KIFC3: variants seen among roughly 807,000 people sequenced by gnomAD.
KIFC3 encodes the protein kinesin-like protein KIFC3.
In KIFC3, 60 loss-of-function variants were observed where a neutral mutation model predicts 101.8. That is an observed-to-expected ratio of 0.59 (90% CI 0.48 to 0.73). The LOEUF is 0.73. KIFC3 is among the 30% of genes least tolerant of loss of function. The pLI is 0.00. For missense variants in KIFC3, 966 were observed against 1,137.1 expected (o/e 0.85, Z 2.16); for synonymous variants, 476 against 482.7 (o/e 0.99, Z 0.18).
chr16:57,854,444 A>G (rs1226262478), intron 1 of KIFC3, among the ~76,000 whole-genome samples: 3 of 152,224 alleles, frequency 2.0e-5, no homozygotes, highest in Admixed American at 6.5e-5. Flanking sequence ...CCTGCCCAAC[A>G]TGGCAAAACC....
At chr16:57,777,073 G>C (rs1555612173) in intron 3 of KIFC3, 1 of 151,898 alleles carries the variant, frequency 6.6e-6, no homozygotes, top group Non-Finnish European at 1.5e-5. Context: ...AATCCAAAAA[G>C]GAAATTAAGA....
intron 12 of KIFC3, among the ~76,000 whole-genome samples, chr16:57,763,886 C>T (rs1399120720): frequency 6.6e-6 from 1 of 152,200 alleles, no homozygotes; most frequent in African/African-American, 2.4e-5. Flanking sequence ...GTCCCCAAGC[C>T]GAGATCCCTG....
At position 57,769,589 on chromosome 16, in the gene KIFC3, G is replaced by A. The variant is rs200243180; in HGVS notation, c.1218+6C>T. ...CTGGACCCTCCCACCCACTGCCCTC[G>A]CTCACCTCGGCCTTGACACTCCTGA... On this transcript the variant is annotated splice_donor_region_variant and intron_variant, in intron 9 of 19. Transcript: ENST00000445690. This position sits in a 1 kb window ranked among gnomAD's most constrained non-coding sequence, Gnocchi z 4.3. The A allele has an allele frequency of 1.7e-4, 277 of 1,607,252 alleles. No individual in the cohort carries two copies. The highest frequency in any genetic ancestry group is 2.2e-4 in the Non-Finnish European group (255 of 1,178,354).
In KIFC3 at chr16:57,761,641, T is replaced by C. The variant is rs1555597868; in HGVS notation, c.1749-105A>G. ...AATGTTCCCCCAACCCAGGAAGCCTTCTCCAGCCATCAGCTGAGTGCATCT... is the reference window on the plus strand; with the variant it reads ...AATGTTCCCCCAACCCAGGAAGCCTCCTCCAGCCATCAGCTGAGTGCATCT... On this transcript the variant is annotated intron_variant, in intron 13 of 19. Transcript: ENST00000445690. 4.5e-6 allele frequency: 6 copies of C among 1,324,752 alleles called. No homozygotes were observed. The Admixed American group carries it at 5.6e-5, about 12-fold the overall frequency. 82.1% of individuals were successfully genotyped at this position (1,324,752 alleles called of 1,614,324 possible). A position where few individuals can be genotyped will look rare whatever the true frequency, so the allele number is the denominator to read the frequency against.
chr16:57,801,538 A>G (rs2054721105), intron 1 of KIFC3, among the ~76,000 whole-genome samples: 1 of 152,174 alleles, frequency 6.6e-6, no homozygotes, highest in South Asian at 2.1e-4. Context: ...TACTCTAACA[A>G]GGGCATGGGG....
chr16:57,841,352 T>C (rs981714194), intron 1 of KIFC3, among the ~76,000 whole-genome samples: 7 of 152,120 alleles, frequency 4.6e-5, no homozygotes, highest in African/African-American at 1.7e-4. Flanking sequence ...GCCACCCTCC[T>C]AAAGTTCCCT....
At chr16:57,764,276 G>T (rs782460575) in intron 11 of KIFC3, 29 bp from the exon 12 acceptor site, 21 of 1,286,370 alleles carry the variant, frequency 1.6e-5, no homozygotes, top group Non-Finnish European at 2.1e-5. Context: ...GGAGGCTGGT[G>T]GGGGGGCTTC....
intron 1 of KIFC3, among the ~76,000 whole-genome samples, chr16:57,854,096 C>G (rs1444101221): frequency 1.3e-5 from 2 of 151,990 alleles, no homozygotes; most frequent in Non-Finnish European, 2.9e-5. Context: ...TGCACACCAT[C>G]ACACCCAGCT....
chr16:57,827,897 C>G (rs2055492757), intron 1 of KIFC3, among the ~76,000 whole-genome samples: 1 of 152,220 alleles, frequency 6.6e-6, no homozygotes, highest in Non-Finnish European at 1.5e-5. Context: ...AACTACACAC[C>G]AGGTGCCTAT....
chr16:57,775,261 G>A (rs868915624), intron 3 of KIFC3: 2 of 1,299,858 alleles, frequency 1.5e-6, no homozygotes, highest in East Asian at 3.1e-5. Flanking sequence ...GGCTCTAAAG[G>A]CCCCTTTGTT....
rs1437330250 is a variant in KIFC3 at position 57,802,441 on chromosome 16, G to C, written c.-111C>G. On this transcript the variant is annotated 5_prime_UTR_variant, in exon 1 of 20. Coordinates refer to ENST00000445690, the MANE Select transcript of KIFC3 (RefSeq NM_001130100.2). This position sits in a 1 kb window ranked among gnomAD's most constrained non-coding sequence, Gnocchi z 5.0. ...TCGGCCCGGCCCGGCCCGCCGGCAG[G>C]AGGCAGCTCCACGCCGCCGCCTCCT... 3 of 983,046 alleles carry C rather than the reference G, an allele frequency of 3.1e-6. No homozygotes were observed. In the African/African-American group the frequency reaches 5.3e-5, roughly 17 times the overall value. The allele number at this position is 983,046 out of a possible 1,614,324, so 60.9% of individuals were successfully genotyped here.
intron 3 of KIFC3, chr16:57,774,918 C>T (rs573313149): frequency 1.4e-6 from 2 of 1,455,918 alleles, no homozygotes; most frequent in African/African-American, 2.9e-5. Flanking sequence ...TTGAAGTCTC[C>T]TTCCACGCCC....
intron 14 of KIFC3, 42 bp from the exon 15 acceptor site, chr16:57,761,213 G>T (rs781808909): frequency 3.7e-6 from 6 of 1,608,012 alleles, no homozygotes; most frequent in Non-Finnish European, 5.1e-6. Context: ...CGTTGAGAAT[G>T]GGGTCCTCAG....
rs2049726090 is a variant in KIFC3, at chr16:57,760,608, T to C, written c.2232+118A>G. 5 of 1,089,518 alleles carry C rather than the reference T, an allele frequency of 4.6e-6. No individual in the cohort carries two copies. In the South Asian group the frequency reaches 7.0e-5, roughly 15 times the overall value. 67.5% of individuals were successfully genotyped at this position (1,089,518 alleles called of 1,614,324 possible). On this transcript the variant is annotated intron_variant, in intron 16 of 19. Coordinates refer to ENST00000445690, the MANE Select transcript of KIFC3 (RefSeq NM_001130100.2). Reference sequence around the variant, plus strand: ...GAGGGACTGGGAGTTACACAGGGTGTGTGTGGCCAGGTCTAGGGGCGGGGA... The same window carrying C: ...GAGGGACTGGGAGTTACACAGGGTGCGTGTGGCCAGGTCTAGGGGCGGGGA...
At chr16:57,819,556 T>TTTTATTTA (rs1429755539) in intron 1 of KIFC3, among the ~76,000 whole-genome samples, 1 of 152,044 alleles carries the variant, frequency 6.6e-6, no homozygotes, top group East Asian at 1.9e-4. Context: ...TTTTTTTAAA[T>TTTTATTTA]TTTATTTATT....
chr16:57,782,953 G>A (rs1555615646), intron 3 of KIFC3, among the ~76,000 whole-genome samples: 3 of 151,966 alleles, frequency 2.0e-5, no homozygotes. Context: ...TCTCAAAAAA[G>A]AAAAAGAAAA....
At chr16:57,785,112 G>A (rs1331927631) in intron 3 of KIFC3, among the ~76,000 whole-genome samples, 1 of 152,200 alleles carries the variant, frequency 6.6e-6, no homozygotes, top group African/African-American at 2.4e-5. Context: ...CGTCGAAGAT[G>A]GGGTGGACTC....
chr16:57,760,787 T>C lies in KIFC3; in HGVS notation c.2171A>G (p.Lys724Arg). The change falls in exon 16 of 20, where the codon AAG becomes AGG. Residue 724 changes from lysine (K) to arginine (R), a missense_variant. By Grantham distance (26) the Lys-to-Arg change is conservative. Around this residue, in one of 2 missense-constraint regions of KIFC3, gnomAD observed 689 missense variants for 884.6 expected, o/e 0.78. Transcript: ENST00000445690. Reference protein sequence around the residue: ...RQGHVPFRNSKLTYLLQDSLS... With the variant: ...RQGHVPFRNSRLTYLLQDSLS... ...CGAATCCTGCAGCAGGTAGGTGAGC[T>C]TGGAGTTGCGGAAGGGCACGTGGCC... 1 of 1,613,820 alleles carries C rather than the reference T, an allele frequency of 6.2e-7. No homozygotes were observed. Among genetic ancestry groups the C allele is most frequent in the Non-Finnish European group, 8.5e-7 (1 of 1,179,984 alleles).
At chr16:57,806,776 G>A (rs1555627034), upstream of KIFC3, among the ~76,000 whole-genome samples, 1 of 152,190 alleles carries the variant, frequency 6.6e-6, no homozygotes. Context: ...CATGCTTCTG[G>A]GTAACAGAAC....
Sources: allele counts gnomAD v4.1 joint callset (sites outside exome capture counted in the v4.1 genomes callset), GRCh38; gene constraint gnomAD v4.1.1; regional missense constraint gnomAD v4.1.1; non-coding constraint Gnocchi (gnomAD v3.1); transcripts MANE v1.5; gene names NCBI Gene and HGNC (gene_info 2026-07-23, HGNC 2026-07-21).